ARHGEF38: variants seen among roughly 807,000 people sequenced by gnomAD.
ARHGEF38 encodes the protein Rho guanine nucleotide exchange factor 38.
A neutral mutation model predicts 79.9 loss-of-function variants in ARHGEF38; 79 were observed. The ratio of observed to expected loss-of-function variants is 0.99; its 90% confidence interval spans 0.82 to 1.19. ARHGEF38 has a LOEUF of 1.19. Ranked by LOEUF, ARHGEF38 falls within the 50% of genes most tolerant of loss-of-function variation. ARHGEF38 has a pLI of 0.00. For synonymous variants in ARHGEF38, 366 were observed against 328.3 expected (o/e 1.11, Z -1.24); for missense variants, 962 against 907.2 (o/e 1.06, Z -0.78).
At chr4:105,619,104 A>C (rs965236693) in intron 3 of ARHGEF38, among the ~76,000 whole-genome samples, 2 of 152,222 alleles carry the variant, frequency 1.3e-5, no homozygotes, top group African/African-American at 2.4e-5. Context: ...AGAAAATTTT[A>C]TTTAAAAAAT....
chr4:105,631,963 A>C (rs1578329700), intron 4 of ARHGEF38, among the ~76,000 whole-genome samples: 1 of 152,124 alleles, frequency 6.6e-6, no homozygotes, highest in Admixed American at 6.5e-5. Context: ...AAGTCAATGT[A>C]CACCCGTCTG....
intron 5 of ARHGEF38, among the ~76,000 whole-genome samples, chr4:105,642,730 T>C (rs150388243): frequency 2.3e-4 from 35 of 152,232 alleles, no homozygotes; most frequent in Admixed American, 1.1e-3. Flanking sequence ...TGGGTTTTTG[T>C]TTTTTATAAT....
chr4:105,659,296 A>C lies in ARHGEF38; in HGVS notation c.1476A>C (p.Leu492=). 1 of 1,536,056 alleles carries C rather than the reference A, an allele frequency of 6.5e-7. No homozygotes were observed. The highest frequency in any genetic ancestry group is 1.4e-5 in the African/African-American group (1 of 73,160). ...CTCGGAAGATTCTGTTGAACTGTCTATGCAGCTTCATTACCCTCCTTAGGG... is the reference window on the plus strand; with the variant it reads ...CTCGGAAGATTCTGTTGAACTGTCTCTGCAGCTTCATTACCCTCCTTAGGG... ...QAARKILLNC[L]CSFITLLRDL... is the part of the protein sequence containing the mutation. Residue 492 remains leucine (L), a synonymous_variant, in exon 10 of 14, where the codon CTA becomes CTC. Coordinates refer to ENST00000420470, the MANE Select transcript of ARHGEF38 (RefSeq NM_001242729.2).
At chr4:105,626,183 A>C (rs1728937940) in intron 3 of ARHGEF38, among the ~76,000 whole-genome samples, 1 of 152,174 alleles carries the variant, frequency 6.6e-6, no homozygotes, top group Non-Finnish European at 1.5e-5. Flanking sequence ...ATACATCTGA[A>C]ATTAAACTCG....
chr4:105,598,990 C>T (rs530309881), intron 2 of ARHGEF38, among the ~76,000 whole-genome samples: 4 of 152,296 alleles, frequency 2.6e-5, no homozygotes, highest in African/African-American at 9.6e-5. Context: ...TGAGTCATCA[C>T]ACTTCACTTA....
chr4:105,617,037 G>A (rs1309261354), intron 3 of ARHGEF38, among the ~76,000 whole-genome samples: 1 of 152,114 alleles, frequency 6.6e-6, no homozygotes, highest in African/African-American at 2.4e-5. Flanking sequence ...TAGCAAAAGA[G>A]TACTGCAAAC....
At chr4:105,606,414 T>C (rs1024957371) in intron 2 of ARHGEF38, among the ~76,000 whole-genome samples, 3 of 152,044 alleles carry the variant, frequency 2.0e-5, no homozygotes, top group African/African-American at 7.2e-5. Flanking sequence ...ATTTTGACCA[T>C]CAAATTAAGA....
At chr4:105,677,638 C>A (rs1189719744) in intron 13 of ARHGEF38, 114 bp from the exon 14 acceptor site, 1 of 960,866 alleles carries the variant, frequency 1.0e-6, no homozygotes, top group Non-Finnish European at 1.4e-6. Flanking sequence ...GACAATGTGA[C>A]TTTGGCAAAA....
intron 2 of ARHGEF38, among the ~76,000 whole-genome samples, chr4:105,613,104 T>C (rs1465563509): frequency 6.6e-6 from 1 of 152,148 alleles, no homozygotes. Flanking sequence ...TTAATACCAA[T>C]TAGGCCCAAA....
At chr4:105,606,888 GT>G (rs1728065930) in intron 2 of ARHGEF38, among the ~76,000 whole-genome samples, 1 of 152,034 alleles carries the variant, frequency 6.6e-6, no homozygotes, top group Non-Finnish European at 1.5e-5. Flanking sequence ...AGAATTACAG[GT>G]GACTGTATTT....
intron 3 of ARHGEF38, among the ~76,000 whole-genome samples, chr4:105,615,313 G>T: frequency 6.6e-6 from 1 of 152,188 alleles, no homozygotes; most frequent in Middle Eastern, 3.2e-3. Context: ...TCTGGAGAGA[G>T]AAAGATATGG....
At chr4:105,642,627 C>T (rs1247832985) in intron 5 of ARHGEF38, among the ~76,000 whole-genome samples, 2 of 152,128 alleles carry the variant, frequency 1.3e-5, no homozygotes, top group Admixed American at 6.5e-5. Flanking sequence ...GAAGGATGTA[C>T]TCTATCAAAA....
chr4:105,574,711 T>G (rs550874232), intron 1 of ARHGEF38, among the ~76,000 whole-genome samples: 1 of 152,210 alleles, frequency 6.6e-6, no homozygotes, highest in Admixed American at 6.5e-5. Flanking sequence ...TATCCCTTGT[T>G]TGTTGGATTA....
chr4:105,676,315 A>G (rs1008662818), intron 13 of ARHGEF38, among the ~76,000 whole-genome samples: 2 of 152,160 alleles, frequency 1.3e-5, no homozygotes, highest in African/African-American at 4.8e-5. Flanking sequence ...CAGCTTTGTC[A>G]TTTATGAAAG....
intron 1 of ARHGEF38, 127 bp downstream of exon 1, chr4:105,553,088 A>T: frequency 1.5e-6 from 1 of 685,244 alleles, no homozygotes; most frequent in Non-Finnish European, 2.3e-6. Flanking sequence ...TTCCCACAAA[A>T]TAAGAAGATG....
At chr4:105,622,987 GC>G (rs1294517527) in intron 3 of ARHGEF38, among the ~76,000 whole-genome samples, 3 of 152,158 alleles carry the variant, frequency 2.0e-5, no homozygotes, top group African/African-American at 7.2e-5. Flanking sequence ...CAAATTCTAT[GC>G]CTTTGGAAGA....
At chr4:105,598,011 AT>A (rs1034115430) in intron 2 of ARHGEF38, among the ~76,000 whole-genome samples, 25 of 149,510 alleles carry the variant, frequency 1.7e-4, no homozygotes, top group South Asian at 2.1e-4. Flanking sequence ...AAACTTTCCA[AT>A]TTTTTTTTTA....
At chr4:105,650,532 T>C (rs1428270272) in intron 7 of ARHGEF38, among the ~76,000 whole-genome samples, 1 of 152,206 alleles carries the variant, frequency 6.6e-6, no homozygotes, top group Non-Finnish European at 1.5e-5. Context: ...CCTCACCTTT[T>C]GCAAGGAAAT....
At chr4:105,553,344 T>C (rs1031164859) in intron 1 of ARHGEF38, among the ~76,000 whole-genome samples, 1 of 152,180 alleles carries the variant, frequency 6.6e-6, no homozygotes, top group Non-Finnish European at 1.5e-5. Flanking sequence ...TGGGTAGATA[T>C]GTGATATTAC....
Sources: allele counts gnomAD v4.1 joint callset (sites outside exome capture counted in the v4.1 genomes callset), GRCh38; gene constraint gnomAD v4.1.1; transcripts MANE v1.5; gene names NCBI Gene and HGNC (gene_info 2026-07-23, HGNC 2026-07-21).